Variants in ASB18 observed in about 807,000 individuals in gnomAD.
The protein encoded by ASB18 is ankyrin repeat and SOCS box containing 18.
Under a neutral mutation model 33.4 loss-of-function variants are expected in ASB18, and 33 were observed. That is an observed-to-expected ratio of 0.99 (90% CI 0.75 to 1.32). The LOEUF is 1.32. Ranked by LOEUF, ASB18 falls within the 40% of genes most tolerant of loss-of-function variation. The probability of loss-of-function intolerance (pLI) is 0.00; values close to 1 mark genes in which losing one functional copy is unlikely to be tolerated. For synonymous variants in ASB18, 295 were observed against 307.6 expected (o/e 0.96, Z 0.43); for missense variants, 694 against 655.5 (o/e 1.06, Z -0.64).
At position 236,228,276 on chromosome 2, in the gene ASB18, C is replaced by T. The variant is rs1421941865; in HGVS notation, c.596+9413G>A. Among the ~76,000 whole-genome samples the T allele has an allele frequency of 6.6e-6, 1 of 152,172 alleles. No homozygotes were observed. Among genetic ancestry groups the T allele is most frequent in the African/African-American group, 2.4e-5 (1 of 41,438 alleles). On this transcript the variant is annotated intron_variant, in intron 3 of 5. Coordinates refer to ENST00000409749, the MANE Select transcript of ASB18 (RefSeq NM_212556.4). The surrounding 1 kb of genome is among the most constrained non-coding windows in gnomAD (Gnocchi z 5.1). ...CAATATGATTGGCAGTATTGGATTTCTCAACCTCCCAAAGGGCCTCTGGGC... is the reference window on the plus strand; with the variant it reads ...CAATATGATTGGCAGTATTGGATTTTTCAACCTCCCAAAGGGCCTCTGGGC...
At chr2:236,236,805 A>C (rs1187218269) in intron 3 of ASB18, among the ~76,000 whole-genome samples, 1 of 152,204 alleles carries the variant, frequency 6.6e-6, no homozygotes, top group Non-Finnish European at 1.5e-5. Flanking sequence ...GCGGGTTCCC[A>C]GCACTAAACG....
Position 236,223,036 on chromosome 2 carries a change from A to C in ASB18, c.597-8170T>G, listed in dbSNP as rs543425209. Among the ~76,000 whole-genome samples, 1 of 152,168 alleles carries C rather than the reference A, an allele frequency of 6.6e-6. No homozygotes were observed. The highest frequency in any genetic ancestry group is 2.1e-4 in the South Asian group (1 of 4,822). On this transcript the variant is annotated intron_variant, in intron 3 of 5. Coordinates refer to ENST00000409749, the MANE Select transcript of ASB18 (RefSeq NM_212556.4). The surrounding 1 kb of genome is among the most constrained non-coding windows in gnomAD (Gnocchi z 4.6). ...CTCCGTCTCCAAAAAAAGGTGTGTG[A>C]CACCCCCCATCCCTGTTCCTGCTTT...
chr2:236,213,899 A>C lies in ASB18; in HGVS notation c.1101+463T>G, dbSNP rs1316231250. On this transcript the variant is annotated intron_variant, in intron 4 of 5. Transcript: ENST00000409749. This position sits in a 1 kb window ranked among gnomAD's most constrained non-coding sequence, Gnocchi z 4.8. Reference sequence around the variant, plus strand: ...AGCACTCTCATTAACAAGGTGGATGATCAGATTGGGTAATTTTGTTTCAGA... The same window carrying C: ...AGCACTCTCATTAACAAGGTGGATGCTCAGATTGGGTAATTTTGTTTCAGA... 1 of 166,450 alleles carries C rather than the reference A, an allele frequency of 6.0e-6. No individual in the cohort carries two copies. The highest frequency in any genetic ancestry group is 1.3e-5 in the Non-Finnish European group (1 of 76,932). 10.3% of individuals were successfully genotyped at this position (166,450 alleles called of 1,614,324 possible).
rs1242243596 is a variant in ASB18 at position 236,237,469 on chromosome 2, G to A, written c.596+220C>T. Among the ~76,000 whole-genome samples, 2 of 149,846 alleles carry A rather than the reference G, an allele frequency of 1.3e-5. No individual in the cohort carries two copies. Among genetic ancestry groups the A allele is most frequent in the Non-Finnish European group, 3.0e-5 (2 of 67,172 alleles). On this transcript the variant is annotated intron_variant, in intron 3 of 5. Coordinates refer to ENST00000409749, the MANE Select transcript of ASB18 (RefSeq NM_212556.4). This position sits in a 1 kb window ranked among gnomAD's most constrained non-coding sequence, Gnocchi z 6.2. ...GGGAGGTGCCAGGTCTGGGGTCCCG[G>A]GTCAGGGATCTTGGATCTGGGTCCC...
In ASB18 at chr2:236,237,740, C is replaced by T. The variant is rs1241976501; in HGVS notation, c.545G>A (p.Ser182Asn). Residue 182 changes from serine to asparagine, a missense_variant, in exon 3 of 6, where the codon AGC becomes AAC. Coordinates refer to ENST00000409749, the MANE Select transcript of ASB18 (RefSeq NM_212556.4). The surrounding 1 kb of genome is among the most constrained non-coding windows in gnomAD (Gnocchi z 6.2). ...LQHRADPDLL[S>N]AEGLAPLHLC... is the part of the protein sequence containing the mutation. ...GTGCAGAGGCGCCAGGCCCTCGGCGCTGAGCAGGTCGGGGTCGGCGCGGTG... is the reference window on the plus strand; with the variant it reads ...GTGCAGAGGCGCCAGGCCCTCGGCGTTGAGCAGGTCGGGGTCGGCGCGGTG... 2.7e-6 allele frequency: 4 copies of T among 1,459,300 alleles called. No homozygotes were observed. In the East Asian group the frequency reaches 1.2e-4, roughly 45 times the overall value. 90.4% of individuals were successfully genotyped at this position (1,459,300 alleles called of 1,614,324 possible).
At position 236,202,814 on chromosome 2, in the gene ASB18, T is replaced by TATATATACACACAC. The variant is rs1472095135; in HGVS notation, c.1102-6430_1102-6429insGTGTGTGTATATAT. On this transcript the variant is annotated intron_variant, in intron 4 of 5. Coordinates refer to ENST00000409749, the MANE Select transcript of ASB18 (RefSeq NM_212556.4). ...AAAAAAATATATATATATATATATA[T>TATATATACACACAC]ACACACACCTATAGTTCTCTAAAAA... 1.3e-3 allele frequency among the ~76,000 whole-genome samples: 163 copies of TATATATACACACAC among 126,384 alleles called. 1 individual carries two copies. The highest frequency in any genetic ancestry group is 2.2e-3 in the Non-Finnish European group (133 of 61,696). The allele number at this position is 126,384 out of a possible 152,430, so 82.9% of individuals were successfully genotyped here.
Position 236,217,772 on chromosome 2 carries a change from G to C in ASB18, c.597-2906C>G, listed in dbSNP as rs570690056. Among the ~76,000 whole-genome samples, 10 of 152,180 alleles carry C rather than the reference G, an allele frequency of 6.6e-5. No homozygotes were observed. The highest frequency in any genetic ancestry group is 1.3e-4 in the Non-Finnish European group (9 of 68,042). The stretch of plus-strand genomic sequence containing the variant: ...TGTCTTGAGAAGTGGTCTGTCTTGA[G>C]TGAAAGATCTTTACAAACAAGTACA... On this transcript the variant is annotated intron_variant, in intron 3 of 5. Coordinates refer to ENST00000409749, the MANE Select transcript of ASB18 (RefSeq NM_212556.4). This position sits in a 1 kb window ranked among gnomAD's most constrained non-coding sequence, Gnocchi z 5.2.
At position 236,229,960 on chromosome 2, in the gene ASB18, G is replaced by T. The variant is rs1027795621; in HGVS notation, c.596+7729C>A. Among the ~76,000 whole-genome samples, 1 of 151,960 alleles carries T rather than the reference G, an allele frequency of 6.6e-6. No individual in the cohort carries two copies. Among genetic ancestry groups the T allele is most frequent in the East Asian group, 1.9e-4 (1 of 5,184 alleles). ...AAAAGGATATTTATTAGCTATAAAA[G>T]AACAAAGATAAAACTAGGAGTTTGA... On this transcript the variant is annotated intron_variant, in intron 3 of 5. Transcript: ENST00000409749. This position sits in a 1 kb window ranked among gnomAD's most constrained non-coding sequence, Gnocchi z 5.2.
At chr2:236,240,644 G>A (rs946674552) in intron 2 of ASB18, among the ~76,000 whole-genome samples, 1 of 152,202 alleles carries the variant, frequency 6.6e-6, no homozygotes, top group Non-Finnish European at 1.5e-5. Context: ...TGGGCAGGGG[G>A]AGGAGGGGAC....
At chr2:236,254,531 C>A (rs1383036584) in intron 1 of ASB18, among the ~76,000 whole-genome samples, 1 of 151,828 alleles carries the variant, frequency 6.6e-6, no homozygotes, top group Non-Finnish European at 1.5e-5. Context: ...TTTCTTTAAT[C>A]ATATTTTTCC....
At chr2:236,261,086 A>G (rs545445809) in intron 1 of ASB18, among the ~76,000 whole-genome samples, 3 of 152,290 alleles carry the variant, frequency 2.0e-5, no homozygotes, top group South Asian at 2.1e-4. Flanking sequence ...TGGTGGCCCT[A>G]TCCTCTATTC....
chr2:236,210,818 G>C (rs2060455894), intron 4 of ASB18, among the ~76,000 whole-genome samples: 1 of 152,224 alleles, frequency 6.6e-6, no homozygotes, highest in Non-Finnish European at 1.5e-5. Context: ...AGGCAGTGGA[G>C]GGCAGGGGTT....
At position 236,262,929 on chromosome 2, in the gene ASB18, G is replaced by A. The variant is rs1011919145; in HGVS notation, c.205+1212C>T. ...CGGAAGTTCCAATCTCAGACTCCTC[G>A]CCTCAGCACCCTGCAAGCTCCATTC... On this transcript the variant is annotated intron_variant, in intron 1 of 5. Transcript: ENST00000409749. This position sits in a 1 kb window ranked among gnomAD's most constrained non-coding sequence, Gnocchi z 5.2. 6.6e-5 allele frequency among the ~76,000 whole-genome samples: 10 copies of A among 152,114 alleles called. No homozygotes were observed. The highest frequency in any genetic ancestry group is 1.7e-4 in the African/African-American group (7 of 41,422).
intron 3 of ASB18, among the ~76,000 whole-genome samples, chr2:236,224,149 T>G (rs1303910478): frequency 6.6e-6 from 1 of 151,012 alleles, no homozygotes; most frequent in East Asian, 1.9e-4. Context: ...AAAGTTCTAG[T>G]TGCTCCCTGA....
Position 236,249,862 on chromosome 2 carries a change from C to G in ASB18, c.206-8460G>C, listed in dbSNP as rs989984561. On this transcript the variant is annotated intron_variant, in intron 1 of 5. Transcript: ENST00000409749. This position sits in a 1 kb window ranked among gnomAD's most constrained non-coding sequence, Gnocchi z 4.6. ...TAGACTGAATTTCTCTAATACTAGC[C>G]AGGTAGTCAACTGGATTAAAATATA... 3.9e-5 allele frequency: 6 copies of G among 152,122 alleles called. No homozygotes were observed. The highest frequency in any genetic ancestry group is 1.2e-4 in the African/African-American group (5 of 41,412). 9.4% of individuals were successfully genotyped at this position (152,122 alleles called of 1,614,324 possible). A position where few individuals can be genotyped will look rare whatever the true frequency, so the allele number is the denominator to read the frequency against.
chr2:236,214,706 C>T lies in ASB18; in HGVS notation c.757G>A (p.Glu253Lys), dbSNP rs1432069863. 30 of 1,151,584 alleles carry T rather than the reference C, an allele frequency of 2.6e-5. No homozygotes were observed. The highest frequency in any genetic ancestry group is 9.9e-5 in the African/African-American group (6 of 60,774). 71.3% of individuals were successfully genotyped at this position (1,151,584 alleles called of 1,614,324 possible). ...CCGCAGGCCGCGCTCAGAGCCGTCT[C>T]TCCGCGGCCGTTCCTCGCGTCCACG... ...AHVDARNGRG[E>K]TALSAACGAA... is the part of the protein sequence containing the mutation. The change falls in exon 4 of 6, where the codon GAG becomes AAG. Residue 253 changes from glutamate to lysine, a missense_variant. Transcript: ENST00000409749. This position sits in a 1 kb window ranked among gnomAD's most constrained non-coding sequence, Gnocchi z 6.5.
Position 236,202,952 on chromosome 2 carries a change from G to T in ASB18, c.1102-6567C>A, listed in dbSNP as rs76607016. 4.8e-3 allele frequency among the ~76,000 whole-genome samples: 719 copies of T among 151,362 alleles called. 10 individuals carry two copies. The highest frequency in any genetic ancestry group is 0.017 in the African/African-American group (694 of 41,188). ...AATAATACTGGAGTTTTAGTTCCAG[G>T]TTGTCATTATTATATGATCATATTT... On this transcript the variant is annotated intron_variant, in intron 4 of 5. Transcript: ENST00000409749.
In ASB18 at chr2:236,262,600, G is replaced by C. The variant is rs768382101; in HGVS notation, c.205+1541C>G. On this transcript the variant is annotated intron_variant, in intron 1 of 5. Coordinates refer to ENST00000409749, the MANE Select transcript of ASB18 (RefSeq NM_212556.4). The surrounding 1 kb of genome is among the most constrained non-coding windows in gnomAD (Gnocchi z 5.2). ...TGCAGTTTGCAGAGATCAGCCTCGG[G>C]GGGGTGCTTGGGCACGGTGGGCCTA... 5.3e-5 allele frequency among the ~76,000 whole-genome samples: 8 copies of C among 152,240 alleles called. No homozygotes were observed. In the South Asian group the frequency reaches 1.4e-3, roughly 28 times the overall value.
rs937084631 is a variant in ASB18 at position 236,256,790 on chromosome 2, AT to A, written c.205+7350del. On this transcript the variant is annotated intron_variant, in intron 1 of 5. Coordinates refer to ENST00000409749, the MANE Select transcript of ASB18 (RefSeq NM_212556.4). The surrounding 1 kb of genome is among the most constrained non-coding windows in gnomAD (Gnocchi z 4.7). ...GGGAGCTGAGACGCGACCCTGTAGGATTTTTTTTCTTGTCCATATGCCTTTG... is the reference window on the plus strand; with the variant it reads ...GGGAGCTGAGACGCGACCCTGTAGGATTTTTTTCTTGTCCATATGCCTTTG... Among the ~76,000 whole-genome samples, 3 of 151,922 alleles carry A rather than the reference AT, an allele frequency of 2.0e-5. No homozygotes were observed. The highest frequency in any genetic ancestry group is 1.9e-4 in the East Asian group (1 of 5,166).
Sources: gnomAD v4.1 joint callset for allele counts (sites outside exome capture counted in the v4.1 genomes callset) on GRCh38, gnomAD v4.1.1 for gene constraint, Gnocchi (gnomAD v3.1) non-coding constraint, MANE v1.5 for transcripts, NCBI Gene and HGNC (gene_info 2026-07-23, HGNC 2026-07-21) for gene names.